The following C1RL variants were observed in gnomAD, a reference collection of about 807,000 sequenced individuals.
The protein encoded by C1RL is complement C1r subcomponent like, also known as complement C1r subcomponent-like protein.
Under a neutral mutation model 27.9 loss-of-function variants are expected in C1RL, and 27 were observed. The ratio of observed to expected loss-of-function variants is 0.97; its 90% CI spans 0.71 to 1.33. The LOEUF is 1.33. Among genes scored for constraint, C1RL ranks in the 40% most tolerant of loss-of-function variants. C1RL has a pLI of 0.00. For synonymous variants in C1RL, 248 were observed against 252.1 expected (o/e 0.98, Z 0.15); for missense variants, 563 against 623.9 (o/e 0.90, Z 1.04).
At position 7,104,993 on chromosome 12, in the gene C1RL, A is replaced by G. The variant is rs1164904708; in HGVS notation, c.301-2906T>C. Among the ~76,000 whole-genome samples, 2 of 152,302 alleles carry G rather than the reference A, an allele frequency of 1.3e-5. No individual in the cohort carries two copies. The highest frequency in any genetic ancestry group is 4.8e-5 in the African/African-American group (2 of 41,560). ...GTACCAAAAACAGAAGGATTAAGTG[A>G]AAGTCTACCTGCCAAACAGTGAGCT... On this transcript the variant is annotated intron_variant, in intron 2 of 5. Coordinates refer to ENST00000266542, the MANE Select transcript of C1RL (RefSeq NM_016546.4). This position sits in a 1 kb window ranked among gnomAD's most constrained non-coding sequence, Gnocchi z 5.4.
intron 1 of C1RL, chr12:7,108,747 G>A: frequency 1.8e-6 from 1 of 567,738 alleles, no homozygotes; most frequent in Non-Finnish European, 3.1e-6. Flanking sequence ...CATCTCCCAG[G>A]AGAGTCTCGT....
chr12:7,103,268 C>T (rs1459856850), intron 2 of C1RL, among the ~76,000 whole-genome samples: 3 of 152,200 alleles, frequency 2.0e-5, no homozygotes, highest in African/African-American at 7.2e-5. Context: ...GCCCTTTTCC[C>T]TGAATTGTTA....
At position 7,095,761 on chromosome 12, in the gene C1RL, C is replaced by T. The variant is rs1305461926; in HGVS notation, c.*630G>A. The stretch of plus-strand genomic sequence containing the variant: ...TGGGACTTGGGCAAGTCCCTTTATC[C>T]CCTGAGCCTCAGTTTCCTCATTTGT... On this transcript the variant is annotated 3_prime_UTR_variant, in exon 6 of 6. Transcript: ENST00000266542. 2 of 774,054 alleles carry T rather than the reference C, an allele frequency of 2.6e-6. No individual in the cohort carries two copies. The highest frequency in any genetic ancestry group is 3.1e-6 in the Non-Finnish European group (2 of 637,202). The allele number at this position is 774,054 out of a possible 1,614,324, so 47.9% of individuals were successfully genotyped here.
At chr12:7,108,986 T>TGGG in intron 1 of C1RL, 124 bp downstream of exon 1, 1 of 122,724 alleles carries the variant, frequency 8.1e-6, no homozygotes, top group Non-Finnish European at 1.4e-5. Context: ...TGTGTGTGTG[T>TGGG]GTGGGGGGGG....
At position 7,096,335 on chromosome 12, in the gene C1RL, CCT is replaced by C; in HGVS notation, c.*54_*55del. 1 of 1,519,434 alleles carries C rather than the reference CCT, an allele frequency of 6.6e-7. No individual in the cohort carries two copies. Among genetic ancestry groups the C allele is most frequent in the Non-Finnish European group, 8.8e-7 (1 of 1,136,724 alleles). The allele number at this position is 1,519,434 out of a possible 1,614,324, so 94.1% of individuals were successfully genotyped here. On this transcript the variant is annotated 3_prime_UTR_variant, in exon 6 of 6. Transcript: ENST00000266542. ...CCAGTGTTCAGTCCTCACTCCAGGC[CCT>C]CTGTTGCCTGGGGCCTCCACTGTGC...
Position 7,096,854 on chromosome 12 carries a change from T to A in C1RL, c.1001A>T (p.His334Leu), listed in dbSNP as rs1938450570. Residue 334 changes from histidine to leucine, a missense_variant, in exon 6 of 6, where the codon CAT (histidine) becomes CTT (leucine). His to Leu is a moderately conservative substitution (Grantham distance 99). Transcript: ENST00000266542. ...GAGGGCGATGTCCCCGCTAAAGTTATGGGACTCATTCTGACGGTAGTCGGG... is the reference window on the plus strand; with the variant it reads ...GAGGGCGATGTCCCCGCTAAAGTTAAGGGACTCATTCTGACGGTAGTCGGG... Reference protein sequence around the residue: ...VHPDYRQNESHNFSGDIALLE... With the variant: ...VHPDYRQNESLNFSGDIALLE... 6.2e-7 allele frequency: 1 copy of A among 1,602,978 alleles called. No homozygotes were observed. Among genetic ancestry groups the A allele is most frequent in the Non-Finnish European group, 8.5e-7 (1 of 1,173,758 alleles).
In C1RL at chr12:7,096,816, G is replaced by A; in HGVS notation, c.1039C>T (p.His347Tyr). Residue 347 changes from histidine (H) to tyrosine (Y), a missense_variant, in exon 6 of 6, where the codon CAC (histidine) becomes TAC (tyrosine). Coordinates refer to ENST00000266542, the MANE Select transcript of C1RL (RefSeq NM_016546.4). ...ACGTTGGGGCCCAGGGGGATGCTGT[G>A]CTGCAGCTCCAGGAGGGCGATGTCC... ...SGDIALLELQ[H>Y]SIPLGPNVLP... The A allele has an allele frequency of 6.2e-7, 1 of 1,605,488 alleles. No individual in the cohort carries two copies. The highest frequency in any genetic ancestry group is 8.5e-7 in the Non-Finnish European group (1 of 1,175,208).
Position 7,096,748 on chromosome 12 carries a change from G to A in C1RL, c.1107C>T (p.Ser369=), listed in dbSNP as rs774044185. Residue 369 remains serine, a synonymous_variant, in exon 6 of 6, where the codon AGC becomes AGT. Transcript: ENST00000266542. Reference sequence around the variant, plus strand: ...ACCCACTGACGTAGCCCAACAAGCCGCTGCGGTAGAGGGTCTCATTATCGG... The same window carrying A: ...ACCCACTGACGTAGCCCAACAAGCCACTGCGGTAGAGGGTCTCATTATCGG... ...CLPDNETLYR[S]GLLGYVSGFG... is the part of the protein sequence containing the mutation. The A allele has an allele frequency of 2.9e-5, 47 of 1,610,976 alleles. No individual in the cohort carries two copies. Among genetic ancestry groups the A allele is most frequent in the Non-Finnish European group, 3.5e-5 (41 of 1,178,278 alleles).
chr12:7,099,624 C>T lies in C1RL; in HGVS notation c.691+62G>A, dbSNP rs975253988. On this transcript the variant is annotated intron_variant, in intron 5 of 5. Coordinates refer to ENST00000266542, the MANE Select transcript of C1RL (RefSeq NM_016546.4). ...AAGGCTTTCCTTTAACCCCTGTGTC[C>T]TGTAGGTCCCAGTTGCAGCTGAGGC... 1.4e-5 allele frequency: 21 copies of T among 1,544,076 alleles called. No homozygotes were observed. In the Admixed American group the frequency reaches 2.9e-4, roughly 22 times the overall value.
intron 2 of C1RL, among the ~76,000 whole-genome samples, chr12:7,106,858 T>C (rs979722941): frequency 1.5e-4 from 23 of 152,324 alleles, no homozygotes; most frequent in African/African-American, 5.3e-4. Flanking sequence ...TTTACAGTCA[T>C]AATAATGTAA....
chr12:7,108,268 C>G lies in C1RL; in HGVS notation c.283G>C (p.Ala95Pro), dbSNP rs776639191. 3.2e-5 allele frequency: 51 copies of G among 1,612,772 alleles called. 3 individuals carry two copies. In the Middle Eastern group the frequency reaches 2.5e-3, roughly 78 times the overall value. ...CAGCTCACTGTGACAGAGTCCCCTG[C>G]ACAGTCCTGGGACGGCTCCAGGTCG... is the stretch of plus-strand genomic sequence containing the variant. ...DFDLEPSQDC[A>P]GDSVTISFVG... is the part of the protein sequence containing the mutation. Residue 95 changes from alanine to proline, a missense_variant, in exon 2 of 6, where the codon GCA becomes CCA. By Grantham distance (27) the Ala-to-Pro change is conservative. Transcript: ENST00000266542.
In C1RL at chr12:7,097,178, G is replaced by A. The variant is rs766173691; in HGVS notation, c.692-15C>T. 1.1e-5 allele frequency: 17 copies of A among 1,578,984 alleles called. No individual in the cohort carries two copies. Among genetic ancestry groups the A allele is most frequent in the Non-Finnish European group, 1.5e-5 (17 of 1,161,654 alleles). On this transcript the variant is annotated splice_polypyrimidine_tract_variant and intron_variant, in intron 5 of 5. Transcript: ENST00000266542. ...CCGTCCGCAGACTGGGAGAGAGGCG[G>A]GGTAGGGGTGACAGTCAGCAGCTGC...
chr12:7,106,114 G>A (rs1565638797), intron 2 of C1RL, among the ~76,000 whole-genome samples: 1 of 152,174 alleles, frequency 6.6e-6, no homozygotes, highest in Non-Finnish European at 1.5e-5. Context: ...CGTGTATCAA[G>A]AGACATCATA....
rs553989787 is a variant in C1RL, at chr12:7,104,726, C to T, written c.301-2639G>A. Among the ~76,000 whole-genome samples the T allele has an allele frequency of 4.8e-4, 73 of 152,266 alleles. No individual in the cohort carries two copies. The highest frequency in any genetic ancestry group is 3.4e-3 in the Middle Eastern group (1 of 294). ...GAATAATTGGGTAAATAATCTTATT[C>T]GTTTTTATTAACCTTTCTTACATGT... On this transcript the variant is annotated intron_variant, in intron 2 of 5. Coordinates refer to ENST00000266542, the MANE Select transcript of C1RL (RefSeq NM_016546.4). This position sits in a 1 kb window ranked among gnomAD's most constrained non-coding sequence, Gnocchi z 5.4.
Position 7,095,327 on chromosome 12 carries a change from G to T in C1RL, c.*1064C>A. On this transcript the variant is annotated 3_prime_UTR_variant, in exon 6 of 6. Transcript: ENST00000266542. ...GATGGGGTTTCACCATGTTGGCCAG[G>T]ATGGGCTGGATCTCCTGACCTCGTG... The T allele has an allele frequency of 1.1e-6, 1 of 923,856 alleles. No individual in the cohort carries two copies. The highest frequency in any genetic ancestry group is 1.3e-6 in the Non-Finnish European group (1 of 749,216). 57.2% of individuals were successfully genotyped at this position (923,856 alleles called of 1,614,324 possible).
intron 1 of C1RL, 108 bp downstream of exon 1, chr12:7,109,002 A>ATG: frequency 2.1e-5 from 4 of 194,180 alleles, no homozygotes; most frequent in Non-Finnish European, 2.6e-5. Flanking sequence ...GGGGGGGGGG[A>ATG]TGTGTGTGTG....
intron 5 of C1RL, among the ~76,000 whole-genome samples, chr12:7,097,635 A>T (rs914270257): frequency 6.6e-6 from 1 of 152,062 alleles, no homozygotes; most frequent in African/African-American, 2.4e-5. Flanking sequence ...ATGTGGGCAG[A>T]CAAGGACAGG....
At chr12:7,101,326 G>A (rs892656467) in intron 3 of C1RL, among the ~76,000 whole-genome samples, 2 of 150,138 alleles carry the variant, frequency 1.3e-5, no homozygotes, top group African/African-American at 2.5e-5. Flanking sequence ...GCTGGAGTGC[G>A]GTGGCATGAT....
Position 7,095,403 on chromosome 12 carries a change from T to G in C1RL, c.*988A>C. ...TGTTGGGATTACAGGCGTGAGCCACTGCGCCCGGCCCATCACCTCCAGGTT... is the reference window on the plus strand; with the variant it reads ...TGTTGGGATTACAGGCGTGAGCCACGGCGCCCGGCCCATCACCTCCAGGTT... On this transcript the variant is annotated 3_prime_UTR_variant, in exon 6 of 6. Transcript: ENST00000266542. 1 of 1,003,506 alleles carries G rather than the reference T, an allele frequency of 1.0e-6. No individual in the cohort carries two copies. The highest frequency in any genetic ancestry group is 3.8e-5 in the South Asian group (1 of 26,106). The allele number at this position is 1,003,506 out of a possible 1,614,324, so 62.2% of individuals were successfully genotyped here.
Sources: gnomAD v4.1 joint callset for allele counts (sites outside exome capture counted in the v4.1 genomes callset) on GRCh38, gnomAD v4.1.1 for gene constraint, Gnocchi (gnomAD v3.1) non-coding constraint, MANE v1.5 for transcripts, NCBI Gene and HGNC (gene_info 2026-07-23, HGNC 2026-07-21) for gene names.